The following TOLLIP variants were observed in gnomAD, a reference collection of about 807,000 sequenced individuals.
TOLLIP encodes the protein toll interacting protein.
Under a neutral mutation model 33.5 loss-of-function variants are expected in TOLLIP, and 16 were observed. The ratio of observed to expected loss-of-function variants is 0.48; its 90% confidence interval spans 0.32 to 0.72. The LOEUF (loss-of-function observed/expected upper bound fraction) is 0.72. Ranked by LOEUF, TOLLIP falls within the 30% of genes least tolerant of loss-of-function variation. The pLI is 0.03. For synonymous variants in TOLLIP, 176 were observed against 163.7 expected (o/e 1.07, Z -0.57); for missense variants, 325 against 396.6 (o/e 0.82, Z 1.53).
At chr11:1,284,509 C>G (rs5743988) in intron 5 of TOLLIP, among the ~76,000 whole-genome samples, 3 of 152,268 alleles carry the variant, frequency 2.0e-5, no homozygotes, top group Admixed American at 2.0e-4. Context: ...CCACCGCGCC[C>G]GGCTAATTTG....
intron 5 of TOLLIP, chr11:1,283,599 T>G (rs1377178460): frequency 6.6e-6 from 3 of 454,494 alleles, no homozygotes; most frequent in Non-Finnish European, 1.3e-5. Flanking sequence ...TTACAATGTC[T>G]ATCAAAAGAA....
Position 1,290,476 on chromosome 11 carries a change from G to A in TOLLIP, c.184-67C>T, listed in dbSNP as rs756916416. 2.7e-5 allele frequency: 41 copies of A among 1,495,156 alleles called. No homozygotes were observed. The highest frequency in any genetic ancestry group is 6.8e-5 in the East Asian group (3 of 43,834). The allele number at this position is 1,495,156 out of a possible 1,614,324, so 92.6% of individuals were successfully genotyped here. On this transcript the variant is annotated intron_variant, in intron 2 of 5. Transcript: ENST00000317204. The surrounding 1 kb of genome is among the most constrained non-coding windows in gnomAD (Gnocchi z 4.9). ...CAGGAGAGGGTGGGTTCTCTAGGCC[G>A]TCTGCCTCCCTGAACCCTTCCACGA... is the stretch of plus-strand genomic sequence containing the variant.
chr11:1,302,465 G>A (rs973750739), intron 1 of TOLLIP: 2 of 635,254 alleles, frequency 3.1e-6, no homozygotes, highest in African/African-American at 4.0e-5. Flanking sequence ...TGCCCTGTAA[G>A]TTTAGCATTT....
Position 1,277,213 on chromosome 11 carries a change from G to A in TOLLIP, c.651C>T (p.Ala217=). 1 of 1,590,020 alleles carries A rather than the reference G, an allele frequency of 6.3e-7. No individual in the cohort carries two copies. Among genetic ancestry groups the A allele is most frequent in the Admixed American group, 1.7e-5 (1 of 58,346 alleles). ...AVCSPGMVPV[A]LPPAAVNAQP... ...GGGCGTTCACGGCGGCCGGGGGCAG[G>A]GCCACGGGCACCATGCCGGGGCTAC... Residue 217 remains alanine, a synonymous_variant, in exon 6 of 6, where the codon GCC becomes GCT. Coordinates refer to ENST00000317204, the MANE Select transcript of TOLLIP (RefSeq NM_019009.4). This position sits in a 1 kb window ranked among gnomAD's most constrained non-coding sequence, Gnocchi z 4.2.
chr11:1,283,950 T>A (rs533239567), intron 5 of TOLLIP, among the ~76,000 whole-genome samples: 1 of 152,210 alleles, frequency 6.6e-6, no homozygotes, highest in African/African-American at 2.4e-5. Context: ...AGGTTGGCCA[T>A]TGGCCTCCAA....
At chr11:1,297,552 A>T (rs961113794) in intron 1 of TOLLIP, among the ~76,000 whole-genome samples, 8 of 152,256 alleles carry the variant, frequency 5.3e-5, no homozygotes, top group Non-Finnish European at 7.3e-5. Flanking sequence ...TTCTCTAAAA[A>T]GCAAAACACA....
intron 1 of TOLLIP, among the ~76,000 whole-genome samples, chr11:1,301,580 C>T (rs1335151436): frequency 6.6e-6 from 1 of 152,176 alleles, no homozygotes; most frequent in African/African-American, 2.4e-5. Context: ...CCAGAAGTTT[C>T]CTCCCCCAAG....
At chr11:1,291,961 T>G (rs907241502) in intron 2 of TOLLIP, 1 of 152,712 alleles carries the variant, frequency 6.5e-6, no homozygotes, top group African/African-American at 2.4e-5. Flanking sequence ...CTGTTTTCTA[T>G]TCTTGTCCAC....
At position 1,286,763 on chromosome 11, in the gene TOLLIP, G is replaced by A. The variant is rs144692249; in HGVS notation, c.520-671C>T. Reference sequence around the variant, plus strand: ...TCCTGAGTTCAAAACTGTCCACTGCGGATAAGTCATTGCACTGCTGTTGTC... The same window carrying A: ...TCCTGAGTTCAAAACTGTCCACTGCAGATAAGTCATTGCACTGCTGTTGTC... On this transcript the variant is annotated intron_variant, in intron 4 of 5. Transcript: ENST00000317204. Among the ~76,000 whole-genome samples, 337 of 152,042 alleles carry A rather than the reference G, an allele frequency of 2.2e-3. 5 individuals carry two copies. The highest frequency in any genetic ancestry group is 7.7e-3 in the African/African-American group (319 of 41,434).
At chr11:1,280,290 G>A (rs1863450043) in intron 5 of TOLLIP, among the ~76,000 whole-genome samples, 2 of 152,354 alleles carry the variant, frequency 1.3e-5, no homozygotes, top group East Asian at 1.9e-4. Flanking sequence ...CAGGCGCTGC[G>A]AACGCCGGCT....
In TOLLIP at chr11:1,290,500, G is replaced by A. The variant is rs576734578; in HGVS notation, c.184-91C>T. 323 of 1,264,276 alleles carry A rather than the reference G, an allele frequency of 2.6e-4. No homozygotes were observed. In the African/African-American group the frequency reaches 3.9e-3, roughly 15 times the overall value. The allele number at this position is 1,264,276 out of a possible 1,614,324, so 78.3% of individuals were successfully genotyped here. On this transcript the variant is annotated intron_variant, in intron 2 of 5. Coordinates refer to ENST00000317204, the MANE Select transcript of TOLLIP (RefSeq NM_019009.4). This position sits in a 1 kb window ranked among gnomAD's most constrained non-coding sequence, Gnocchi z 4.9. Reference sequence around the variant, plus strand: ...CGTCTGCCTCCCTGAACCCTTCCACGAGGCCTTTTCCTAACACATAGACTA... The same window carrying A: ...CGTCTGCCTCCCTGAACCCTTCCACAAGGCCTTTTCCTAACACATAGACTA...
chr11:1,289,292 G>C (rs547596336), intron 3 of TOLLIP, among the ~76,000 whole-genome samples: 4 of 152,320 alleles, frequency 2.6e-5, no homozygotes, highest in African/African-American at 7.2e-5. Context: ...GGGAGGAAAA[G>C]GCAGGGCCCA....
chr11:1,279,839 C>T (rs996805112), intron 5 of TOLLIP, among the ~76,000 whole-genome samples: 2 of 152,178 alleles, frequency 1.3e-5, no homozygotes, highest in African/African-American at 2.4e-5. Flanking sequence ...AAGTCCCGGC[C>T]GCCGGTGGGC....
Position 1,295,678 on chromosome 11 carries a change from G to A in TOLLIP, c.150C>T (p.Gly50=). 1 of 1,603,274 alleles carries A rather than the reference G, an allele frequency of 6.2e-7. No individual in the cohort carries two copies. Among genetic ancestry groups the A allele is most frequent in the South Asian group, 1.1e-5 (1 of 90,484 alleles). Residue 50 remains glycine, a synonymous_variant, in exon 2 of 6, where the codon GGC becomes GGT. Transcript: ENST00000317204. ...CCGTGATGTTCAGTCGGCCCACGGT[G>A]CCCACTGCGCCTCCGTACTGCAGCT... The part of the protein sequence containing the change: ...AQQLQYGGAV[G]TVGRLNITVV...
intron 1 of TOLLIP, among the ~76,000 whole-genome samples, chr11:1,309,245 CGGT>C (rs1385286500): frequency 6.6e-6 from 1 of 152,158 alleles, no homozygotes; most frequent in Admixed American, 6.5e-5. Flanking sequence ...CCCGGCACGG[CGGT>C]GAGCTCAAGC....
rs111971432 is a variant in TOLLIP at position 1,279,198 on chromosome 11, C to T, written c.611-1945G>A. 2.0e-5 allele frequency among the ~76,000 whole-genome samples: 3 copies of T among 152,380 alleles called. No homozygotes were observed. The East Asian group carries it at 5.8e-4, about 29-fold the overall frequency. On this transcript the variant is annotated intron_variant, in intron 5 of 5. Coordinates refer to ENST00000317204, the MANE Select transcript of TOLLIP (RefSeq NM_019009.4). ...TGACAATGAGGGGATGTGGCGCCGA[C>T]TGGCCCTCAAGTGAATCCCAACAGC...
At chr11:1,305,844 G>A (rs1179166598) in intron 1 of TOLLIP, 1 of 152,268 alleles carries the variant, frequency 6.6e-6, no homozygotes, top group Non-Finnish European at 1.5e-5. Context: ...AGGCCTCTCT[G>A]ACGGCACCGC....
intron 1 of TOLLIP, among the ~76,000 whole-genome samples, chr11:1,302,061 C>T (rs372540291): frequency 2.6e-4 from 40 of 152,352 alleles, no homozygotes; most frequent in African/African-American, 9.1e-4. Context: ...AGGGGCTGGC[C>T]CTGCCTTGAA....
chr11:1,290,419 A>C lies in TOLLIP; in HGVS notation c.184-10T>G. On this transcript the variant is annotated splice_polypyrimidine_tract_variant and intron_variant, in intron 2 of 5. Transcript: ENST00000317204. The surrounding 1 kb of genome is among the most constrained non-coding windows in gnomAD (Gnocchi z 4.9). ...TCTTGGCCAACTTTGCCTGGAATGAAGCCAATGTCAGGAAAAGGAGGTGCC... is the reference window on the plus strand; with the variant it reads ...TCTTGGCCAACTTTGCCTGGAATGACGCCAATGTCAGGAAAAGGAGGTGCC... 1 of 1,608,600 alleles carries C rather than the reference A, an allele frequency of 6.2e-7. No individual in the cohort carries two copies. The highest frequency in any genetic ancestry group is 1.1e-5 in the South Asian group (1 of 91,020).
Sources: gnomAD v4.1 joint callset for allele counts (sites outside exome capture counted in the v4.1 genomes callset) on GRCh38, gnomAD v4.1.1 for gene constraint, Gnocchi (gnomAD v3.1) non-coding constraint, MANE v1.5 for transcripts, NCBI Gene and HGNC (gene_info 2026-07-23, HGNC 2026-07-21) for gene names.